The following DRAM2 variants were observed in gnomAD, a reference collection of about 807,000 sequenced individuals.
The protein encoded by DRAM2 is DNA damage-regulated autophagy modulator protein 2.
In DRAM2, 26 loss-of-function variants were observed where a neutral mutation model predicts 33.5. The ratio of observed to expected loss-of-function variants is 0.78; its 90% confidence interval spans 0.57 to 1.08. The LOEUF (loss-of-function observed/expected upper bound fraction) is 1.08. DRAM2 is among the 50% of genes least tolerant of loss of function. The probability of loss-of-function intolerance (pLI) is 0.00; values close to 1 mark genes in which losing one functional copy is unlikely to be tolerated. For missense variants in DRAM2, 311 were observed against 318.1 expected, an observed-to-expected ratio of 0.98 and a Z score of 0.17; for synonymous variants, 98 against 109.5, an observed-to-expected ratio of 0.89 and a Z score of 0.66.
chr1:111,118,552 A>T, intron 9 of DRAM2: 1 of 487,172 alleles, frequency 2.1e-6, no homozygotes, highest in African/African-American at 2.0e-5. Flanking sequence ...TCGATAACAA[A>T]TTCTATGTAA....
chr1:111,127,125 A>C (rs1651163821), intron 4 of DRAM2, among the ~76,000 whole-genome samples: 1 of 152,216 alleles, frequency 6.6e-6, no homozygotes, highest in African/African-American at 2.4e-5. Flanking sequence ...TATCACTGTA[A>C]GGATGAAATG....
chr1:111,128,051 T>C (rs541476783), intron 4 of DRAM2: 2 of 152,084 alleles, frequency 1.3e-5, no homozygotes, highest in African/African-American at 4.8e-5. Flanking sequence ...GAAGCACACT[T>C]ATAGCAAAAT....
intron 4 of DRAM2, among the ~76,000 whole-genome samples, chr1:111,130,038 A>T (rs1424993073): frequency 6.8e-6 from 1 of 147,786 alleles, no homozygotes; most frequent in Middle Eastern, 3.4e-3. Context: ...TTGCAATTTT[A>T]AAAAAAGAGG....
intron 5 of DRAM2, chr1:111,125,244 A>T (rs1650790204): frequency 6.1e-6 from 1 of 163,158 alleles, no homozygotes; most frequent in Non-Finnish European, 1.3e-5. Flanking sequence ...GTGACTAAGC[A>T]AATCATTTGC....
intron 5 of DRAM2, among the ~76,000 whole-genome samples, chr1:111,125,187 A>G (rs1557889171): frequency 6.6e-6 from 1 of 152,072 alleles, no homozygotes; most frequent in Non-Finnish European, 1.5e-5. Context: ...CATGCTGTGG[A>G]TGTTGGAGAA....
In DRAM2 at chr1:111,117,869, G is replaced by T; in HGVS notation, c.*291C>A. The T allele has an allele frequency of 2.7e-6, 1 of 367,744 alleles. No individual in the cohort carries two copies. Among genetic ancestry groups the T allele is most frequent in the Non-Finnish European group, 5.0e-6 (1 of 198,236 alleles). 22.8% of individuals were successfully genotyped at this position (367,744 alleles called of 1,614,324 possible). A position where few individuals can be genotyped will look rare whatever the true frequency, so the allele number is the denominator to read the frequency against. ...TGTGCAGACTGATTGGTGCACGTCA[G>T]GTTGTTTCTCTTAAATAAGGTATAA... On this transcript the variant is annotated 3_prime_UTR_variant, in exon 10 of 10. Coordinates refer to ENST00000484310, the MANE Select transcript of DRAM2 (RefSeq NM_001349884.2).
At chr1:111,120,481 T>C (rs1273396238) in intron 7 of DRAM2, 35 bp downstream of exon 7, 5 of 1,445,660 alleles carry the variant, frequency 3.5e-6, no homozygotes, top group Middle Eastern at 1.9e-4. Context: ...TTCAATTCCT[T>C]TCCAAGTGTA....
chr1:111,136,978 G>A (rs1311308537), intron 3 of DRAM2, among the ~76,000 whole-genome samples: 1 of 151,146 alleles, frequency 6.6e-6, no homozygotes, highest in Non-Finnish European at 1.5e-5. Flanking sequence ...GATTGGCCGG[G>A]CACGGTGGCT....
chr1:111,131,530 T>G lies in DRAM2; in HGVS notation c.25A>C (p.Ser9Arg). 6.2e-7 allele frequency: 1 copy of G among 1,614,082 alleles called. No homozygotes were observed. The highest frequency in any genetic ancestry group is 1.3e-5 in the African/African-American group (1 of 75,028). Reference sequence around the variant, plus strand: ...ATTACAAGGGCTGAAGGAAGGAAACTGAGGCCTTGCTGAAACCACCACATT... The same window carrying G: ...ATTACAAGGGCTGAAGGAAGGAAACGGAGGCCTTGCTGAAACCACCACATT... MWWFQQGLSFLPSALVIWT... is the reference protein window; with the variant it reads MWWFQQGLRFLPSALVIWT... The change falls in exon 4 of 10, where the codon AGT becomes CGT. Residue 9 changes from serine (S) to arginine (R), a missense_variant. Coordinates refer to ENST00000484310, the MANE Select transcript of DRAM2 (RefSeq NM_001349884.2).
At chr1:111,135,095 C>T (rs995582919) in intron 3 of DRAM2, among the ~76,000 whole-genome samples, 1 of 152,160 alleles carries the variant, frequency 6.6e-6, no homozygotes, top group African/African-American at 2.4e-5. Context: ...ATTTTTCTGG[C>T]CCACCTATGA....
intron 2 of DRAM2, among the ~76,000 whole-genome samples, chr1:111,137,842 C>T (rs932986694): frequency 1.2e-4 from 18 of 152,092 alleles, no homozygotes; most frequent in Admixed American, 5.9e-4. Flanking sequence ...CCTTCACTAT[C>T]TTAAAGAGGA....
intron 9 of DRAM2, 29 bp downstream of exon 9, chr1:111,118,776 T>C (rs770597777): frequency 6.5e-7 from 1 of 1,544,404 alleles, no homozygotes; most frequent in South Asian, 1.2e-5. Context: ...GAAGTCTGAC[T>C]GAATAAATCT....
At chr1:111,127,459 C>A (rs1651234486) in intron 4 of DRAM2, among the ~76,000 whole-genome samples, 1 of 149,812 alleles carries the variant, frequency 6.7e-6, no homozygotes, top group East Asian at 1.9e-4. Flanking sequence ...ATGAGTCTTT[C>A]TCTTAAAAAA....
chr1:111,130,880 G>T (rs552758669), intron 4 of DRAM2, among the ~76,000 whole-genome samples: 8 of 151,048 alleles, frequency 5.3e-5, no homozygotes, highest in African/African-American at 2.0e-4. Context: ...AGTGATGCAC[G>T]CCTGTAATCC....
At chr1:111,132,987 C>T (rs1009630519) in intron 3 of DRAM2, among the ~76,000 whole-genome samples, 1 of 151,976 alleles carries the variant, frequency 6.6e-6, no homozygotes, top group South Asian at 2.1e-4. Flanking sequence ...CCTAGTTTTT[C>T]TATTATTACT....
In DRAM2 at chr1:111,126,471, C is replaced by T. The variant is rs575828091; in HGVS notation, c.132-177G>A. On this transcript the variant is annotated intron_variant, in intron 4 of 9. Coordinates refer to ENST00000484310, the MANE Select transcript of DRAM2 (RefSeq NM_001349884.2). Reference sequence around the variant, plus strand: ...ACAATTTGAGTTCACAAATATCTGCCTACTTCACCTTTTACTCACATCATT... The same window carrying T: ...ACAATTTGAGTTCACAAATATCTGCTTACTTCACCTTTTACTCACATCATT... Among the ~76,000 whole-genome samples, 13 of 151,800 alleles carry T rather than the reference C, an allele frequency of 8.6e-5. No individual in the cohort carries two copies. The South Asian group carries it at 2.3e-3, about 27-fold the overall frequency.
intron 6 of DRAM2, among the ~76,000 whole-genome samples, chr1:111,123,049 G>A (rs1215800385): frequency 1.3e-5 from 2 of 152,130 alleles, no homozygotes; most frequent in Non-Finnish European, 2.9e-5. Context: ...CCATAAAAGT[G>A]ATGAGAAACA....
intron 4 of DRAM2, among the ~76,000 whole-genome samples, chr1:111,128,310 T>G (rs894074849): frequency 2.6e-5 from 4 of 152,110 alleles, no homozygotes; most frequent in African/African-American, 9.7e-5. Context: ...TACTAGAGTT[T>G]AAATATGTAT....
At chr1:111,137,714 G>T (rs766522081) in intron 2 of DRAM2, 128 bp from the exon 3 acceptor site, 2 of 152,102 alleles carry the variant, frequency 1.3e-5, no homozygotes, top group Non-Finnish European at 2.9e-5. Context: ...TTGTTAACAG[G>T]TTATTTTTCT....
Sources: allele counts gnomAD v4.1 joint callset (sites outside exome capture counted in the v4.1 genomes callset), GRCh38; gene constraint gnomAD v4.1.1; transcripts MANE v1.5; gene names NCBI Gene and HGNC (gene_info 2026-07-23, HGNC 2026-07-21).